Variants in RAB27A observed in about 807,000 individuals in gnomAD.
RAB27A encodes ras-related protein Rab-27A.
A neutral mutation model predicts 20.8 loss-of-function variants in RAB27A; 17 were observed. That is an observed-to-expected ratio of 0.82 (90% CI 0.56 to 1.23). The LOEUF is 1.23. Ranked by LOEUF, RAB27A falls within the 50% of genes most tolerant of loss-of-function variation. The pLI, the probability that RAB27A is intolerant of heterozygous loss-of-function variation, is 0.00. For synonymous variants in RAB27A, 85 were observed against 92.8 expected (o/e 0.92, Z 0.48); for missense variants, 277 against 266.7 (o/e 1.04, Z -0.27).
At position 55,209,962 on chromosome 15, in the gene RAB27A, GTGCGTA is replaced by G. The variant is rs1894891899; in HGVS notation, c.468-4263_468-4258del. ...TACATGTACACACATACGCATATATGTGCGTATGTGTGTACATGTACATATATACGC... is the reference window on the plus strand; with the variant it reads ...TACATGTACACACATACGCATATATGTGTGTGTACATGTACATATATACGC... On this transcript the variant is annotated intron_variant, in intron 6 of 6. Transcript: ENST00000336787. Among the ~76,000 whole-genome samples the G allele has an allele frequency of 6.8e-5, 9 of 133,232 alleles. No homozygotes were observed. In the South Asian group the frequency reaches 6.8e-4, roughly 10 times the overall value. The allele number at this position is 133,232 out of a possible 152,430, so 87.4% of individuals were successfully genotyped here. A position where few individuals can be genotyped will look rare whatever the true frequency, so the allele number is the denominator to read the frequency against.
At chr15:55,273,599 T>C (rs908370172) in intron 1 of RAB27A, among the ~76,000 whole-genome samples, 4 of 152,006 alleles carry the variant, frequency 2.6e-5, no homozygotes, top group African/African-American at 9.7e-5. Context: ...CAGGGGTGAC[T>C]ATACTTATAT....
At chr15:55,275,804 A>G (rs1223181915) in intron 1 of RAB27A, among the ~76,000 whole-genome samples, 3 of 151,814 alleles carry the variant, frequency 2.0e-5, no homozygotes, top group East Asian at 1.9e-4. Flanking sequence ...CAAAGAATAC[A>G]TTAAAAATGG....
In RAB27A at chr15:55,283,883, G is replaced by A. The variant is rs573591348; in HGVS notation, c.-143+5833C>T. ...TTTAGACCTTGACTTTGCTTTTAACGATACAAATACACAGCAGATTAGTAT... is the reference window on the plus strand; with the variant it reads ...TTTAGACCTTGACTTTGCTTTTAACAATACAAATACACAGCAGATTAGTAT... On this transcript the variant is annotated intron_variant, in intron 1 of 6. Transcript: ENST00000336787. Among the ~76,000 whole-genome samples, 392 of 152,170 alleles carry A rather than the reference G, an allele frequency of 2.6e-3. 2 individuals are homozygous for A. The highest frequency in any genetic ancestry group is 4.6e-3 in the Non-Finnish European group (316 of 67,992).
intron 2 of RAB27A, 112 bp from the exon 3 acceptor site, chr15:55,235,068 T>A: frequency 1.2e-6 from 1 of 853,390 alleles, no homozygotes; most frequent in Non-Finnish European, 1.8e-6. Context: ...CCTGTATGTC[T>A]ACGGGTTGTA....
intron 1 of RAB27A, among the ~76,000 whole-genome samples, chr15:55,315,253 A>C (rs1230784219): frequency 6.6e-6 from 1 of 152,196 alleles, no homozygotes; most frequent in Admixed American, 6.5e-5. Flanking sequence ...CTTATACAAA[A>C]ATTAACTCAA....
intron 6 of RAB27A, among the ~76,000 whole-genome samples, chr15:55,206,920 A>G (rs546119200): frequency 6.6e-6 from 1 of 152,218 alleles, no homozygotes; most frequent in Non-Finnish European, 1.5e-5. Flanking sequence ...GGCATTTCAT[A>G]TAACTTGCAA....
At position 55,209,898 on chromosome 15, in the gene RAB27A, A is replaced by G. The variant is rs1894877149; in HGVS notation, c.468-4193T>C. Among the ~76,000 whole-genome samples the G allele has an allele frequency of 1.2e-4, 15 of 122,798 alleles. 1 individual carries two copies. The highest frequency in any genetic ancestry group is 6.9e-4 in the South Asian group (3 of 4,370). 80.6% of individuals were successfully genotyped at this position (122,798 alleles called of 152,430 possible). A position where few individuals can be genotyped will look rare whatever the true frequency, so the allele number is the denominator to read the frequency against. On this transcript the variant is annotated intron_variant, in intron 6 of 6. Transcript: ENST00000336787. ...TATATGTGTGTGTATACATATATAC[A>G]CATATGTGTGTGTATGTATATACAC...
intron 2 of RAB27A, among the ~76,000 whole-genome samples, chr15:55,268,340 A>G (rs1335252422): frequency 6.6e-6 from 1 of 152,202 alleles, no homozygotes; most frequent in Non-Finnish European, 1.5e-5. Flanking sequence ...GGATATTCTG[A>G]AGGATGCCTT....
At chr15:55,293,266 A>G (rs556572351), upstream of RAB27A, among the ~76,000 whole-genome samples, 1 of 152,262 alleles carries the variant, frequency 6.6e-6, no homozygotes, top group African/African-American at 2.4e-5. Context: ...GAGGTCCTAG[A>G]AGCAATTATA....
At chr15:55,277,186 C>T (rs564725891) in intron 1 of RAB27A, among the ~76,000 whole-genome samples, 1 of 152,212 alleles carries the variant, frequency 6.6e-6, no homozygotes, top group African/African-American at 2.4e-5. Context: ...ATGACTAAAA[C>T]TGAAAAACTG....
chr15:55,208,049 T>C (rs540312667), intron 6 of RAB27A, among the ~76,000 whole-genome samples: 2 of 152,348 alleles, frequency 1.3e-5, no homozygotes, highest in African/African-American at 4.8e-5. Context: ...CTCTCACATA[T>C]GTGCACGTGG....
exon 1 of RAB27A, chr15:55,319,007 A>C: frequency 2.1e-6 from 1 of 482,330 alleles, no homozygotes; most frequent in Admixed American, 3.6e-5. Flanking sequence ...GGGGCCTTCC[A>C]GCAGTTTTCG....
chr15:55,212,379 A>G (rs535791981), intron 6 of RAB27A, among the ~76,000 whole-genome samples: 11 of 152,282 alleles, frequency 7.2e-5, no homozygotes, highest in African/African-American at 1.9e-4. Context: ...TGCACTGTAC[A>G]AGAAGAAAAC....
intron 2 of RAB27A, among the ~76,000 whole-genome samples, chr15:55,243,548 T>C: frequency 6.6e-6 from 1 of 151,586 alleles, no homozygotes; most frequent in Non-Finnish European, 1.5e-5. Flanking sequence ...CCCAGCTTCT[T>C]GGGAGGCTGA....
chr15:55,245,616 A>C (rs1425614317), intron 2 of RAB27A, among the ~76,000 whole-genome samples: 8 of 152,214 alleles, frequency 5.3e-5, no homozygotes, highest in Admixed American at 2.6e-4. Flanking sequence ...AGAGAAGTTC[A>C]TGGCTAGAAA....
intron 2 of RAB27A, among the ~76,000 whole-genome samples, chr15:55,235,244 T>G (rs1215911890): frequency 2.0e-5 from 3 of 152,090 alleles, no homozygotes; most frequent in African/African-American, 7.2e-5. Flanking sequence ...GGTTGGGAAT[T>G]CGAGACCAGC....
chr15:55,256,540 T>G (rs542711725), intron 2 of RAB27A, among the ~76,000 whole-genome samples: 2 of 152,364 alleles, frequency 1.3e-5, no homozygotes, highest in African/African-American at 4.8e-5. Context: ...ACACAGCATG[T>G]TTCATGCAAG....
intron 1 of RAB27A, among the ~76,000 whole-genome samples, chr15:55,282,314 C>A (rs1349888987): frequency 1.3e-5 from 2 of 152,190 alleles, no homozygotes; most frequent in African/African-American, 4.8e-5. Context: ...TCCCTGCCAT[C>A]AATTAGCTAT....
chr15:55,288,620 G>T (rs533592518), intron 1 of RAB27A, among the ~76,000 whole-genome samples: 29 of 151,902 alleles, frequency 1.9e-4, no homozygotes, highest in Non-Finnish European at 3.5e-4. Context: ...GGGAGGGAGG[G>T]AGGAAGAGAG....
Sources: allele counts gnomAD v4.1 joint callset (sites outside exome capture counted in the v4.1 genomes callset), GRCh38; gene constraint gnomAD v4.1.1; transcripts MANE v1.5; gene names NCBI Gene and HGNC (gene_info 2026-07-23, HGNC 2026-07-21).